Variants in ITPR3 observed in about 807,000 individuals in gnomAD.
ITPR3 encodes the protein inositol 1,4,5-trisphosphate receptor type 3, also known as inositol 1,4,5-trisphosphate-gated calcium channel ITPR3.
ITPR3 carries 173 observed loss-of-function variants against 293.2 expected under a neutral mutation model. The ratio of observed to expected loss-of-function variants is 0.59; its 90% CI spans 0.52 to 0.67. ITPR3 has a LOEUF of 0.67. Ranked by LOEUF, ITPR3 falls within the 30% of genes least tolerant of loss-of-function variation. The probability of loss-of-function intolerance (pLI) is 0.00; values close to 1 mark genes in which losing one functional copy is unlikely to be tolerated. For missense variants in ITPR3, 2,796 were observed against 3,592.1 expected (o/e 0.78, Z 5.66); for synonymous variants, 1,295 against 1,444.4 (o/e 0.90, Z 2.35).
chr6:33,682,537 T>C lies in ITPR3; in HGVS notation c.4490T>C (p.Ile1497Thr). 2.6e-6 allele frequency: 4 copies of C among 1,543,954 alleles called. No homozygotes were observed. The highest frequency in any genetic ancestry group is 3.5e-6 in the Non-Finnish European group (4 of 1,143,472). ...NSTSLQTHQT[I>T]VVQLLQSTTR... ...GACTTCTTGCAGACACACCAGACGA[T>C]TGTGGTGCAGCTGCTGCAGTCTACC... The change falls in exon 34 of 58, where the codon ATT (isoleucine) becomes ACT (threonine). Residue 1497 changes from isoleucine to threonine, a missense_variant. By Grantham distance (89) the Ile-to-Thr change is moderately conservative (BLOSUM62 -1). Coordinates refer to ENST00000605930, the MANE Select transcript of ITPR3 (RefSeq NM_002224.4). The surrounding 1 kb of genome is among the most constrained non-coding windows in gnomAD (Gnocchi z 5.4).
chr6:33,627,218 T>A (rs1404383832), intron 1 of ITPR3, among the ~76,000 whole-genome samples: 9 of 133,154 alleles, frequency 6.8e-5, no homozygotes, highest in Non-Finnish European at 1.3e-4. Flanking sequence ...TTTTTGAAAA[T>A]ATATATATTT....
intron 24 of ITPR3, 57 bp downstream of exon 24, chr6:33,674,322 C>G: frequency 6.4e-7 from 1 of 1,552,040 alleles, no homozygotes. Context: ...GACACCCCCT[C>G]TTGGTCTGGT....
chr6:33,676,831 C>A lies in ITPR3; in HGVS notation c.3346C>A (p.Arg1116=). Residue 1116 remains arginine, a synonymous_variant, in exon 26 of 58, where the codon CGG becomes AGG. Coordinates refer to ENST00000605930, the MANE Select transcript of ITPR3 (RefSeq NM_002224.4). ...CAAGGTGATCAAGTCGGAGCTGGAC[C>A]GGCTGCGGACCATGGTGGAGAAGTC... ...NYKVIKSELD[R]LRTMVEKSEL... is the part of the protein sequence containing the mutation. 1 of 1,614,134 alleles carries A rather than the reference C, an allele frequency of 6.2e-7. No homozygotes were observed. Among genetic ancestry groups the A allele is most frequent in the African/African-American group, 1.3e-5 (1 of 75,040 alleles).
chr6:33,643,865 G>A (rs76871044), intron 2 of ITPR3, among the ~76,000 whole-genome samples: 7,221 of 152,236 alleles, frequency 0.047, 210 homozygotes, highest in East Asian at 0.12. Context: ...TTGTTATTGT[G>A]ATTAAGATAT....
chr6:33,643,507 A>G (rs960761433), intron 2 of ITPR3, among the ~76,000 whole-genome samples: 3 of 152,186 alleles, frequency 2.0e-5, no homozygotes, highest in Admixed American at 1.3e-4. Context: ...TGTGGCACCC[A>G]CGCTAGGCCA....
At chr6:33,628,598 G>T (rs148396288) in intron 1 of ITPR3, among the ~76,000 whole-genome samples, 2,209 of 152,344 alleles carry the variant, frequency 0.015, 27 homozygotes, top group Middle Eastern at 0.034. Context: ...TGAGTCCAGG[G>T]TGTGGGCTGG....
Position 33,683,500 on chromosome 6 carries a change from C to T in ITPR3, c.4788+103C>T, listed in dbSNP as rs2296328. ...GTTCTCGGGGAGTGTTTCTTCCTGTCCTGCCCACACTTCCAGGAAGGGGCT... is the reference window on the plus strand; with the variant it reads ...GTTCTCGGGGAGTGTTTCTTCCTGTTCTGCCCACACTTCCAGGAAGGGGCT... On this transcript the variant is annotated intron_variant, in intron 35 of 57. Transcript: ENST00000605930. The surrounding 1 kb of genome is among the most constrained non-coding windows in gnomAD (Gnocchi z 4.5). 221,448 of 1,006,156 alleles carry T rather than the reference C, an allele frequency of 0.22. 25,488 individuals are homozygous for T. Among genetic ancestry groups the T allele is most frequent in the African/African-American group, 0.29 (17,196 of 60,198 alleles). The allele number at this position is 1,006,156 out of a possible 1,614,324, so 62.3% of individuals were successfully genotyped here. A position where few individuals can be genotyped will look rare whatever the true frequency, so the allele number is the denominator to read the frequency against.
At position 33,682,609 on chromosome 6, in the gene ITPR3, C is replaced by T. The variant is rs368175642; in HGVS notation, c.4562C>T (p.Ser1521Phe). The T allele has an allele frequency of 1.3e-6, 2 of 1,597,936 alleles. No homozygotes were observed. The highest frequency in any genetic ancestry group is 1.7e-6 in the Non-Finnish European group (2 of 1,173,354). ...CPWLQQQHKGSVEACIRTLAM... is the reference protein window; with the variant it reads ...CPWLQQQHKGFVEACIRTLAM... ...TGGCTACAGCAGCAGCACAAGGGCT[C>T]CGTGGAGGCCTGCATCCGGACCCTC... The change falls in exon 34 of 58, where the codon TCC (serine) becomes TTC (phenylalanine). Residue 1521 changes from serine (S) to phenylalanine (F), a missense_variant. Transcript: ENST00000605930. The surrounding 1 kb of genome is among the most constrained non-coding windows in gnomAD (Gnocchi z 5.4).
chr6:33,654,832 C>T lies in ITPR3; in HGVS notation c.161-934C>T, dbSNP rs1764269456. Among the ~76,000 whole-genome samples the T allele has an allele frequency of 6.6e-6, 1 of 152,148 alleles. No individual in the cohort carries two copies. Among genetic ancestry groups the T allele is most frequent in the East Asian group, 1.9e-4 (1 of 5,186 alleles). ...GATGGGGAGCTCACTGCTTCCCAGC[C>T]CAGCCCAGGCTATTGTCACACAGGC... On this transcript the variant is annotated intron_variant, in intron 2 of 57. Coordinates refer to ENST00000605930, the MANE Select transcript of ITPR3 (RefSeq NM_002224.4). This position sits in a 1 kb window ranked among gnomAD's most constrained non-coding sequence, Gnocchi z 4.1.
Position 33,688,352 on chromosome 6 carries a change from G to A in ITPR3, c.6489G>A (p.Glu2163=), listed in dbSNP as rs1295701054. 2 of 1,613,784 alleles carry A rather than the reference G, an allele frequency of 1.2e-6. No homozygotes were observed. The highest frequency in any genetic ancestry group is 1.7e-6 in the Non-Finnish European group (2 of 1,179,976). Residue 2163 remains glutamate (E), a synonymous_variant, in exon 48 of 58, where the codon GAG becomes GAA. Coordinates refer to ENST00000605930, the MANE Select transcript of ITPR3 (RefSeq NM_002224.4). ...HRLFTTTEQD[E]QGSKVSDFFD... ...TCTTCACCACTACTGAGCAGGACGA[G>A]CAGGGCAGCAAAGTGAGCGACTTCT...
chr6:33,636,522 G>C (rs982983352), intron 1 of ITPR3, among the ~76,000 whole-genome samples: 5 of 151,976 alleles, frequency 3.3e-5, no homozygotes, highest in East Asian at 1.9e-4. Context: ...TTCCTGACAG[G>C]TTAGGTGTGA....
Position 33,663,442 on chromosome 6 carries a change from G to T in ITPR3, c.955-58G>T. On this transcript the variant is annotated intron_variant, in intron 9 of 57. Transcript: ENST00000605930. ...TGTAGGTGACCATGTTTTGCAGTGG[G>T]TCGTGTGGGTATAGTTTGGTGTCCA... 4 of 1,520,938 alleles carry T rather than the reference G, an allele frequency of 2.6e-6. No individual in the cohort carries two copies. In the South Asian group the frequency reaches 4.7e-5, roughly 18 times the overall value. 94.2% of individuals were successfully genotyped at this position (1,520,938 alleles called of 1,614,324 possible).
At chr6:33,674,347 T>TG in intron 24 of ITPR3, 82 bp downstream of exon 24, 1 of 1,381,674 alleles carries the variant, frequency 7.2e-7, no homozygotes, top group South Asian at 1.3e-5. Flanking sequence ...GTTCCTGGGC[T>TG]GGGGGCTGGC....
In ITPR3 at chr6:33,659,123, AG is replaced by A; in HGVS notation, c.627+9del. ...CGACAACGCCGGCTGCAAGGAGGTG[AG>A]GGGGTGGGGGGTCAGCCATGCAGTG... is the stretch of plus-strand genomic sequence containing the variant. On this transcript the variant is annotated splice_donor_5th_base_variant and intron_variant, in intron 6 of 57. Coordinates refer to ENST00000605930, the MANE Select transcript of ITPR3 (RefSeq NM_002224.4). The A allele has an allele frequency of 6.3e-7, 1 of 1,594,404 alleles. No individual in the cohort carries two copies.
At chr6:33,661,992 GAAAAAAAAAA>G (rs55958712) in intron 7 of ITPR3, among the ~76,000 whole-genome samples, 5 of 47,192 alleles carry the variant, frequency 1.1e-4, no homozygotes, top group South Asian at 2.5e-3. Context: ...GACTGTCTCT[GAAAAAAAAAA>G]AAAAAAAAAA....
rs995211838 is a variant in ITPR3, at chr6:33,692,013, C to T, written c.7458+85C>T. On this transcript the variant is annotated intron_variant, in intron 54 of 57. Coordinates refer to ENST00000605930, the MANE Select transcript of ITPR3 (RefSeq NM_002224.4). The surrounding 1 kb of genome is among the most constrained non-coding windows in gnomAD (Gnocchi z 4.2). Reference sequence around the variant, plus strand: ...CTGTGGAGAGTCCTGTCCTTGGCCTCGCGTCAGATATTCAGGGTTGAACCC... The same window carrying T: ...CTGTGGAGAGTCCTGTCCTTGGCCTTGCGTCAGATATTCAGGGTTGAACCC... 9.4e-5 allele frequency: 148 copies of T among 1,571,712 alleles called. 1 individual carries two copies. Among genetic ancestry groups the T allele is most frequent in the Admixed American group, 2.5e-4 (15 of 59,740 alleles).
At chr6:33,674,394 G>A (rs539859142) in intron 24 of ITPR3, 129 bp downstream of exon 24, 14 of 850,258 alleles carry the variant, frequency 1.6e-5, no homozygotes, top group African/African-American at 3.3e-5. Flanking sequence ...GACCCTCACC[G>A]GGCTTTGTGC....
rs1196000765 is a variant in ITPR3, at chr6:33,672,823, C to T, written c.2928+595C>T. ...TGAAGCAGAGCTAGAGATTTAAGAA[C>T]CTATTTCTTGGCAAGGTGGATGCAG... On this transcript the variant is annotated intron_variant, in intron 22 of 57. Transcript: ENST00000605930. The surrounding 1 kb of genome is among the most constrained non-coding windows in gnomAD (Gnocchi z 5.0). Among the ~76,000 whole-genome samples, 1 of 152,102 alleles carries T rather than the reference C, an allele frequency of 6.6e-6. No homozygotes were observed. The highest frequency in any genetic ancestry group is 1.9e-4 in the East Asian group (1 of 5,180).
At position 33,691,815 on chromosome 6, in the gene ITPR3, G is replaced by A. The variant is rs755684247; in HGVS notation, c.7345G>A (p.Asp2449Asn). ...PEVLEEDREL[D>N]STERACDTLL... ...TCCGCTTGCAGAGGACAGGGAGCTG[G>A]ACAGCACAGAGCGGGCCTGTGACAC... The change falls in exon 54 of 58, where the codon GAC becomes AAC. Residue 2449 changes from aspartate (D) to asparagine (N), a missense_variant. This residue lies in a region of ITPR3 where 568 missense variants were observed against 796.1 expected (regional missense o/e 0.71). Coordinates refer to ENST00000605930, the MANE Select transcript of ITPR3 (RefSeq NM_002224.4). This position sits in a 1 kb window ranked among gnomAD's most constrained non-coding sequence, Gnocchi z 4.9. 5.5e-5 allele frequency: 88 copies of A among 1,613,996 alleles called. No homozygotes were observed. The highest frequency in any genetic ancestry group is 7.1e-5 in the Non-Finnish European group (84 of 1,180,002).
Sources: gnomAD v4.1 joint callset for allele counts (sites outside exome capture counted in the v4.1 genomes callset) on GRCh38, gnomAD v4.1.1 for gene constraint, gnomAD v4.1.1 regional missense constraint, Gnocchi (gnomAD v3.1) non-coding constraint, MANE v1.5 for transcripts, NCBI Gene and HGNC (gene_info 2026-07-23, HGNC 2026-07-21) for gene names.